The following MANBA variants were observed in gnomAD, a reference collection of about 807,000 sequenced individuals.
MANBA encodes the protein beta-mannosidase.
In MANBA, 83 loss-of-function variants were observed where a neutral mutation model predicts 111.1. The ratio of observed to expected loss-of-function variants is 0.75; its 90% confidence interval spans 0.63 to 0.90. MANBA has a LOEUF of 0.90. Among genes scored for constraint, MANBA ranks in the 40% least tolerant of loss-of-function variants. The pLI is 0.00. For missense variants in MANBA, 1,036 were observed against 1,069.0 expected, an observed-to-expected ratio of 0.97 and a Z score of 0.43; for synonymous variants, 370 against 378.7, an observed-to-expected ratio of 0.98 and a Z score of 0.27.
chr4:102,673,835 TA>T, intron 8 of MANBA, 83 bp downstream of exon 8: 1 of 1,312,730 alleles, frequency 7.6e-7, no homozygotes, highest in Non-Finnish European at 1.1e-6. Flanking sequence ...GCCCAGAGAC[TA>T]AAGAAAGTAA....
chr4:102,650,438 A>T (rs1730280173), intron 13 of MANBA, 99 bp downstream of exon 13: 1 of 1,233,854 alleles, frequency 8.1e-7, no homozygotes, highest in African/African-American at 1.5e-5. Context: ...AGTGGAATGA[A>T]AACCTGAATA....
intron 1 of MANBA, among the ~76,000 whole-genome samples, chr4:102,737,941 T>C (rs776906870): frequency 2.6e-5 from 4 of 152,158 alleles, no homozygotes; most frequent in Non-Finnish European, 4.4e-5. Flanking sequence ...CCTAACCCTG[T>C]CCTCACCTGA....
In MANBA at chr4:102,690,736, A is replaced by C. The variant is rs990580611; in HGVS notation, c.709T>G (p.Ser237Ala). Reference protein sequence around the residue: ...SAQEWNLEIESTFDVVSSKPV... With the variant: ...SAQEWNLEIEATFDVVSSKPV... ...TTTGAGCTGACAACATCAAATGTAG[A>C]CTCTATTTCCAGATTCCACTCCTGG... The change falls in exon 6 of 17, where the codon TCT (serine) becomes GCT (alanine). Residue 237 changes from serine to alanine, a missense_variant. By Grantham distance (99) the Ser-to-Ala change is moderately conservative (BLOSUM62 1). Coordinates refer to ENST00000647097, the MANE Select transcript of MANBA (RefSeq NM_005908.4). 1.9e-6 allele frequency: 3 copies of C among 1,591,220 alleles called. No homozygotes were observed. In the African/African-American group the frequency reaches 4.0e-5, roughly 21 times the overall value.
intron 11 of MANBA, among the ~76,000 whole-genome samples, chr4:102,661,463 G>C (rs1050599688): frequency 6.6e-6 from 1 of 152,130 alleles, no homozygotes; most frequent in African/African-American, 2.4e-5. Context: ...AGTAGATGTT[G>C]GGTGAATTTA....
intron 11 of MANBA, chr4:102,659,028 A>G (rs1166606498): frequency 1.3e-5 from 2 of 152,148 alleles, no homozygotes; most frequent in African/African-American, 2.4e-5. Context: ...ATTTTTCCAC[A>G]CTGCAGAGGG....
Position 102,639,785 on chromosome 4 carries a change from G to T in MANBA, c.1942C>A (p.Gln648Lys), listed in dbSNP as rs755890886. ...TAAAGTGCCCCCATCGTGTGCCCTT[G>T]CTGATCCACTATCTCGCTGCGACTA... Reference protein sequence around the residue: ...RRSRSEIVDQQGHTMGALYWQ... With the variant: ...RRSRSEIVDQKGHTMGALYWQ... The change falls in exon 14 of 17, where the codon CAA becomes AAA. Residue 648 changes from glutamine (Q) to lysine (K), a missense_variant. Gln to Lys is a moderately conservative substitution (Grantham distance 53). Transcript: ENST00000647097. 16 of 1,613,952 alleles carry T rather than the reference G, an allele frequency of 9.9e-6. No individual in the cohort carries two copies. The Admixed American group carries it at 1.3e-4, about 13-fold the overall frequency.
intron 1 of MANBA, among the ~76,000 whole-genome samples, chr4:102,755,015 G>A (rs533997255): frequency 3.9e-5 from 6 of 152,236 alleles, no homozygotes; most frequent in Admixed American, 3.3e-4. Flanking sequence ...TGGATAGGAA[G>A]AATTAATATC....
chr4:102,751,551 A>G, intron 1 of MANBA: 1 of 534,658 alleles, frequency 1.9e-6, no homozygotes. Flanking sequence ...CCACAAACAT[A>G]TGGAGTTTTA....
chr4:102,665,572 C>T (rs1731180282), intron 10 of MANBA: 1 of 152,178 alleles, frequency 6.6e-6, no homozygotes, highest in South Asian at 2.1e-4. Context: ...ACCTGAAAAC[C>T]GTGCCACACG....
intron 5 of MANBA, among the ~76,000 whole-genome samples, chr4:102,693,901 TA>T (rs1281670834): frequency 6.6e-6 from 1 of 152,210 alleles, no homozygotes; most frequent in East Asian, 1.9e-4. Context: ...TTGGCTATTG[TA>T]AAGACTCCCT....
chr4:102,662,313 G>T (rs1361835516), intron 11 of MANBA, among the ~76,000 whole-genome samples: 6 of 152,166 alleles, frequency 3.9e-5, no homozygotes, highest in Admixed American at 2.0e-4. Flanking sequence ...AGGCCGAGGT[G>T]GGTGGAGCAG....
chr4:102,665,020 A>G, intron 10 of MANBA, 168 bp from the exon 11 acceptor site: 1 of 604,912 alleles, frequency 1.7e-6, no homozygotes, highest in Non-Finnish European at 2.9e-6. Flanking sequence ...ATACATTTTA[A>G]GAAATCTCTG....
chr4:102,756,920 T>C (rs1038182944), intron 1 of MANBA, among the ~76,000 whole-genome samples: 19 of 151,470 alleles, frequency 1.3e-4, no homozygotes, highest in African/African-American at 4.6e-4. Flanking sequence ...TAACATAACA[T>C]ATGGAAATTA....
intron 5 of MANBA, among the ~76,000 whole-genome samples, chr4:102,700,222 TA>T (rs1732957804): frequency 6.6e-6 from 1 of 152,126 alleles, no homozygotes; most frequent in Non-Finnish European, 1.5e-5. Flanking sequence ...TATCATTTTT[TA>T]TTGCATCTAT....
intron 3 of MANBA, 122 bp from the exon 4 acceptor site, chr4:102,723,163 CT>C: frequency 1.1e-5 from 10 of 873,368 alleles, no homozygotes; most frequent in Non-Finnish European, 1.7e-5. Flanking sequence ...GTTTAGCCTC[CT>C]TGCAGGAGGG....
Position 102,659,193 on chromosome 4 carries a change from C to T in MANBA, c.1486-1293G>A, listed in dbSNP as rs569126029. On this transcript the variant is annotated intron_variant, in intron 11 of 16. Transcript: ENST00000647097. Reference sequence around the variant, plus strand: ...AGGTTCAGCAGACAGCCATGGTGACCGTCTTGGAAGAGTAGATGGCAATTT... The same window carrying T: ...AGGTTCAGCAGACAGCCATGGTGACTGTCTTGGAAGAGTAGATGGCAATTT... 2.0e-4 allele frequency among the ~76,000 whole-genome samples: 30 copies of T among 152,200 alleles called. 1 individual carries two copies. The highest frequency in any genetic ancestry group is 5.2e-4 in the Admixed American group (8 of 15,278).
In MANBA at chr4:102,650,584, T is replaced by C; in HGVS notation, c.1822A>G (p.Ser608Gly). ...TTAAATGTGCGTAATGGATCTGTGC[T>C]TTGGGGGAGTTTGAAATGAAGTCCA... ...QAGLHFKLPQ[S>G]TDPLRTFKDT... Residue 608 changes from serine (S) to glycine (G), a missense_variant, in exon 13 of 17, where the codon AGC (serine) becomes GGC (glycine). By Grantham distance (56) the Ser-to-Gly change is moderately conservative. Transcript: ENST00000647097. 6.2e-7 allele frequency: 1 copy of C among 1,613,594 alleles called. No individual in the cohort carries two copies. The highest frequency in any genetic ancestry group is 1.3e-5 in the African/African-American group (1 of 75,046).
chr4:102,726,707 T>C (rs773265908), intron 1 of MANBA, 24 bp from the exon 2 acceptor site: 1 of 1,050,074 alleles, frequency 9.5e-7, no homozygotes. Flanking sequence ...GTAAAAATTA[T>C]GGTAGATGGT....
chr4:102,683,448 A>C (rs919847251), intron 7 of MANBA, among the ~76,000 whole-genome samples: 1 of 152,232 alleles, frequency 6.6e-6, no homozygotes, highest in Non-Finnish European at 1.5e-5. Flanking sequence ...AAAATAAATT[A>C]GGTGTAAGAG....
Sources: gnomAD v4.1 joint callset for allele counts (sites outside exome capture counted in the v4.1 genomes callset) on GRCh38, gnomAD v4.1.1 for gene constraint, MANE v1.5 for transcripts, NCBI Gene and HGNC (gene_info 2026-07-23, HGNC 2026-07-21) for gene names.